CLTCL1: variants seen among roughly 807,000 people sequenced by gnomAD.
The protein encoded by CLTCL1 is clathrin heavy chain 2.
Under a neutral mutation model 190.0 loss-of-function variants are expected in CLTCL1, and 159 were observed. The observed-to-expected ratio is 0.84, with a 90% CI of 0.74 to 0.95. The LOEUF is 0.95. Ranked by LOEUF, CLTCL1 falls within the 40% of genes least tolerant of loss-of-function variation. The probability of loss-of-function intolerance (pLI) is 0.00; values close to 1 mark genes in which losing one functional copy is unlikely to be tolerated. For synonymous variants in CLTCL1, 752 were observed against 769.6 expected (o/e 0.98, Z 0.38); for missense variants, 1,878 against 2,033.4 (o/e 0.92, Z 1.47).
intron 1 of CLTCL1, among the ~76,000 whole-genome samples, chr22:19,276,594 A>C (rs1017538035): frequency 3.3e-5 from 5 of 152,180 alleles, no homozygotes; most frequent in Non-Finnish European, 7.3e-5. Context: ...TCACTCCCAC[A>C]AAGCACCAAG....
chr22:19,228,766 C>A (rs2085832101), intron 11 of CLTCL1, among the ~76,000 whole-genome samples: 1 of 152,196 alleles, frequency 6.6e-6, no homozygotes, highest in Non-Finnish European at 1.5e-5. Context: ...TCCTCTAAAT[C>A]CCTTTCTTGT....
intron 2 of CLTCL1, among the ~76,000 whole-genome samples, chr22:19,275,402 G>C (rs1039905297): frequency 6.6e-6 from 1 of 151,940 alleles, no homozygotes; most frequent in Non-Finnish European, 1.5e-5. Context: ...TCTTCCTCTC[G>C]GTGTGTCTGG....
chr22:19,233,124 CGT>C (rs782107092), intron 9 of CLTCL1, 40 bp downstream of exon 9: 4 of 1,585,702 alleles, frequency 2.5e-6, no homozygotes, highest in Non-Finnish European at 3.4e-6. Context: ...CTCAACCACA[CGT>C]GAGTAATCTG....
At chr22:19,230,279 T>C (rs562677245) in intron 10 of CLTCL1, among the ~76,000 whole-genome samples, 13 of 152,084 alleles carry the variant, frequency 8.5e-5, no homozygotes, top group Non-Finnish European at 1.9e-4. Flanking sequence ...AATTTTTCTA[T>C]TTTTAGTAGA....
chr22:19,204,238 C>A (rs1262399673), intron 22 of CLTCL1, among the ~76,000 whole-genome samples: 1 of 152,180 alleles, frequency 6.6e-6, no homozygotes, highest in Non-Finnish European at 1.5e-5. Flanking sequence ...AGTCCTGACC[C>A]GCAGAGGCCA....
chr22:19,253,994 G>A lies in CLTCL1; in HGVS notation c.484C>T (p.Gln162Ter). 6.2e-7 allele frequency: 1 copy of A among 1,613,272 alleles called. No individual in the cohort carries two copies. The highest frequency in any genetic ancestry group is 1.3e-5 in the African/African-American group (1 of 75,010). The change falls in exon 3 of 33, where the codon CAG (glutamine) becomes TAG (stop). Residue 162 changes from glutamine to a stop codon, truncating the protein, a stop_gained. Transcript: ENST00000427926. LOFTEE classifies it high-confidence loss of function. ...ATGCCTACGAGCAGCAGCCACTTCT[G>A]GTACTCATCAGTCCGGTAGTGAATC... ...QVIHYRTDEY[Q>*]KWLLLVGISA...
intron 1 of CLTCL1, among the ~76,000 whole-genome samples, chr22:19,276,870 C>T (rs1404127706): frequency 3.3e-5 from 5 of 152,078 alleles, no homozygotes; most frequent in African/African-American, 1.2e-4. Flanking sequence ...GACGGGGTTT[C>T]ACCGTGTTAG....
chr22:19,232,459 AAACTGCCT>A lies in CLTCL1; in HGVS notation c.1644+9_1644+16del. 1 of 1,613,796 alleles carries A rather than the reference AAACTGCCT, an allele frequency of 6.2e-7. No homozygotes were observed. Among genetic ancestry groups the A allele is most frequent in the Non-Finnish European group, 8.5e-7 (1 of 1,179,790 alleles). On this transcript the variant is annotated intron_variant, in intron 10 of 32. Coordinates refer to ENST00000427926, the MANE Select transcript of CLTCL1 (RefSeq NM_007098.4). ...CTAAAAAGCCACAAAAAGTTGTCCA[AAACTGCCT>A]ACGCTCACCTGGCTAATGTTGGCCA...
At chr22:19,192,490 G>A (rs564134533) in intron 26 of CLTCL1, among the ~76,000 whole-genome samples, 3 of 152,322 alleles carry the variant, frequency 2.0e-5, no homozygotes, top group South Asian at 2.1e-4. Flanking sequence ...ATGTGTCTGC[G>A]TGAGTGTGGG....
intron 13 of CLTCL1, among the ~76,000 whole-genome samples, chr22:19,225,064 G>C (rs1386858631): frequency 6.6e-6 from 1 of 152,162 alleles, no homozygotes; most frequent in Non-Finnish European, 1.5e-5. Flanking sequence ...CCTCTATCGT[G>C]GGCTCTCATT....
Position 19,216,129 on chromosome 22 carries a change from G to C in CLTCL1, c.3047C>G (p.Ser1016Cys). 2 of 1,613,838 alleles carry C rather than the reference G, an allele frequency of 1.2e-6. No individual in the cohort carries two copies. The highest frequency in any genetic ancestry group is 1.3e-5 in the African/African-American group (1 of 75,026). Residue 1016 changes from serine (S) to cysteine (C), a missense_variant, in exon 19 of 33, where the codon TCT becomes TGT. By Grantham distance (112) the Ser-to-Cys change is moderately radical. Transcript: ENST00000427926. ...GCCTCACCTGTGCTCGCTGAAGACAGAGTTATCCAGAACTATCTTCTCCAG... is the reference window on the plus strand; with the variant it reads ...GCCTCACCTGTGCTCGCTGAAGACACAGTTATCCAGAACTATCTTCTCCAG... ...ELLEKIVLDN[S>C]VFSEHRNLQN...
intron 1 of CLTCL1, among the ~76,000 whole-genome samples, chr22:19,276,342 T>C (rs546757748): frequency 2.4e-4 from 37 of 152,346 alleles, no homozygotes; most frequent in Non-Finnish European, 4.0e-4. Flanking sequence ...CCTGTCTACA[T>C]CTGACTTGAA....
At chr22:19,276,818 C>T (rs556874744) in intron 1 of CLTCL1, among the ~76,000 whole-genome samples, 15 of 152,066 alleles carry the variant, frequency 9.9e-5, no homozygotes, top group Non-Finnish European at 1.3e-4. Context: ...TTCAGGCGCC[C>T]GCCACCACGC....
At position 19,249,975 on chromosome 22, in the gene CLTCL1, C is replaced by A. The variant is rs1349333530; in HGVS notation, c.519+3984G>T. On this transcript the variant is annotated intron_variant, in intron 3 of 32. Transcript: ENST00000427926. The stretch of plus-strand genomic sequence containing the variant: ...TAAAGGTGAATACAAATAAATGGGC[C>A]GGGCGCGGTGGCTCACACCTGTAAT... 7.0e-5 allele frequency: 26 copies of A among 369,236 alleles called. 1 individual carries two copies. Among genetic ancestry groups the A allele is most frequent in the South Asian group, 5.2e-4 (26 of 49,594 alleles). The allele number at this position is 369,236 out of a possible 1,614,324, so 22.9% of individuals were successfully genotyped here.
chr22:19,270,748 A>G (rs62223894), intron 2 of CLTCL1, among the ~76,000 whole-genome samples: 2 of 151,144 alleles, frequency 1.3e-5, no homozygotes, highest in Admixed American at 6.6e-5. Context: ...AAAAAAAAGA[A>G]TAAGTGAATG....
intron 1 of CLTCL1, among the ~76,000 whole-genome samples, chr22:19,278,227 C>T (rs2087585217): frequency 6.6e-6 from 1 of 152,092 alleles, no homozygotes; most frequent in Non-Finnish European, 1.5e-5. Flanking sequence ...GGCCTGCCGT[C>T]CTCAGCACTT....
At chr22:19,267,040 A>C (rs1822174369) in intron 2 of CLTCL1, among the ~76,000 whole-genome samples, 1 of 152,224 alleles carries the variant, frequency 6.6e-6, no homozygotes, top group Admixed American at 6.5e-5. Context: ...AGGAAGATGT[A>C]AAACTGTCTA....
At chr22:19,185,859 G>A (rs1423198159) in intron 29 of CLTCL1, among the ~76,000 whole-genome samples, 3 of 152,222 alleles carry the variant, frequency 2.0e-5, no homozygotes, top group Admixed American at 6.5e-5. Flanking sequence ...TCCCTCAGGT[G>A]CGTCTGAGCC....
chr22:19,244,054 C>T (rs2086344422), intron 3 of CLTCL1, among the ~76,000 whole-genome samples: 1 of 152,092 alleles, frequency 6.6e-6, no homozygotes, highest in East Asian at 1.9e-4. Flanking sequence ...GTCAAATGCT[C>T]AAAAAGCTAA....
Sources: gnomAD v4.1 joint callset for allele counts (sites outside exome capture counted in the v4.1 genomes callset) on GRCh38, gnomAD v4.1.1 for gene constraint, MANE v1.5 for transcripts, NCBI Gene and HGNC (gene_info 2026-07-23, HGNC 2026-07-21) for gene names.